Variants in TLN2 observed in about 807,000 individuals in gnomAD.
TLN2 encodes the protein talin 2, also known as talin-2.
A neutral mutation model predicts 294.7 loss-of-function variants in TLN2; 118 were observed. The ratio of observed to expected loss-of-function variants is 0.40; its 90% confidence interval spans 0.34 to 0.47. The LOEUF (loss-of-function observed/expected upper bound fraction) is 0.47. Ranked by LOEUF, TLN2 falls within the 20% of genes least tolerant of loss-of-function variation. The probability of loss-of-function intolerance (pLI) is 0.84; values close to 1 mark genes in which losing one functional copy is unlikely to be tolerated. For missense variants in TLN2, 3,083 were observed against 3,282.2 expected (o/e 0.94, Z 1.48); for synonymous variants, 1,431 against 1,304.5 (o/e 1.10, Z -2.09).
At position 62,835,894 on chromosome 15, in the gene TLN2, C is replaced by A; in HGVS notation, c.7195C>A (p.Arg2399=). The A allele has an allele frequency of 6.2e-7, 1 of 1,614,148 alleles. No homozygotes were observed. Among genetic ancestry groups the A allele is most frequent in the South Asian group, 1.1e-5 (1 of 91,078 alleles). Residue 2399 remains arginine (R), a synonymous_variant, in exon 57 of 59, where the codon CGG becomes AGG. Coordinates refer to ENST00000636159, the MANE Select transcript of TLN2 (RefSeq NM_015059.3). ...QWSQGLISAA[R]MVAAATSSLC... The stretch of plus-strand genomic sequence containing the variant: ...CTTCTCCGTTGACTGTCCCCAGGCC[C>A]GGATGGTGGCGGCTGCGACCAGCAG...
At position 62,763,669 on chromosome 15, in the gene TLN2, G is replaced by C. The variant is rs1197198484; in HGVS notation, c.5068G>C (p.Ala1690Pro). Residue 1690 changes from alanine (A) to proline (P), a missense_variant, in exon 40 of 59, where the codon GCC (alanine) becomes CCC (proline). Ala to Pro is a conservative substitution (Grantham distance 27). Transcript: ENST00000636159. ...GCTGGCCGCCGTCAGCCAGAGCCTG[G>C]CCACGAGGGACGACATCTCTGTGGA... ...ASLAAVSQSL[A>P]TRDDISVEAL... The C allele has an allele frequency of 2.5e-6, 4 of 1,611,684 alleles. No homozygotes were observed. Among genetic ancestry groups the C allele is most frequent in the Admixed American group, 1.7e-5 (1 of 59,842 alleles).
At chr15:62,534,594 G>A (rs1014946678) in intron 1 of TLN2, among the ~76,000 whole-genome samples, 1 of 152,200 alleles carries the variant, frequency 6.6e-6, no homozygotes, top group Non-Finnish European at 1.5e-5. Flanking sequence ...GCATCGTTGT[G>A]TAGGAGTGAT....
At chr15:62,492,048 GAAT>G (rs1217404488) in intron 1 of TLN2, among the ~76,000 whole-genome samples, 1 of 152,032 alleles carries the variant, frequency 6.6e-6, no homozygotes. Flanking sequence ...ATGTCTAACA[GAAT>G]AAATTTATGA....
At chr15:62,720,323 G>A (rs1459128354) in intron 25 of TLN2, among the ~76,000 whole-genome samples, 8 of 152,166 alleles carry the variant, frequency 5.3e-5, no homozygotes, top group Admixed American at 5.2e-4. Flanking sequence ...AGTTAGTATT[G>A]TCAGTCTCTG....
chr15:62,631,518 C>CCTTTCCTTTCCTTTCCTTTCCTTTCCT (rs1555451272), intron 3 of TLN2, among the ~76,000 whole-genome samples: 1 of 89,676 alleles, frequency 1.1e-5, no homozygotes, highest in African/African-American at 4.6e-5. Context: ...TTCTTTCTTT[C>CCTTTCCTTTCCTTTCCTTTCCTTTCCT]TTCCTTTCCT....
chr15:62,480,099 G>A (rs2037995682), intron 1 of TLN2, among the ~76,000 whole-genome samples: 1 of 152,174 alleles, frequency 6.6e-6, no homozygotes, highest in Non-Finnish European at 1.5e-5. Context: ...AGACCTCTCT[G>A]GGGTCTTCAG....
At chr15:62,570,433 C>T (rs1236521025) in intron 1 of TLN2, among the ~76,000 whole-genome samples, 2 of 152,218 alleles carry the variant, frequency 1.3e-5, no homozygotes, top group Non-Finnish European at 2.9e-5. Flanking sequence ...GTCATGGCAT[C>T]AAATCCCACA....
intron 22 of TLN2, 152 bp from the exon 23 acceptor site, chr15:62,716,179 A>G: frequency 2.0e-6 from 2 of 1,014,914 alleles, no homozygotes; most frequent in Admixed American, 8.2e-5. Flanking sequence ...TTTTTGTTGC[A>G]TGAGGAAACA....
intron 1 of TLN2, among the ~76,000 whole-genome samples, chr15:62,460,060 C>T (rs1007472717): frequency 7.2e-5 from 11 of 152,152 alleles, no homozygotes; most frequent in Admixed American, 2.0e-4. Context: ...CAGATGTCTG[C>T]CGAGGTGCTG....
intron 2 of TLN2, among the ~76,000 whole-genome samples, chr15:62,610,753 A>C (rs1182639190): frequency 6.6e-6 from 1 of 152,220 alleles, no homozygotes; most frequent in East Asian, 1.9e-4. Flanking sequence ...AGGGACTGCA[A>C]ACGTGCCAGG....
rs139369942 is a variant in TLN2 at position 62,684,760 on chromosome 15, T to C, written c.958-1881T>C. On this transcript the variant is annotated intron_variant, in intron 11 of 58. Transcript: ENST00000636159. ...GCTACTCAAATCTATGTTCAAATTA[T>C]GGCTTTACCACTCACCACTGTTGGC... Among the ~76,000 whole-genome samples, 37 of 152,052 alleles carry C rather than the reference T, an allele frequency of 2.4e-4. No homozygotes were observed. The East Asian group carries it at 6.8e-3, about 28-fold the overall frequency.
intron 1 of TLN2, among the ~76,000 whole-genome samples, chr15:62,450,171 C>T (rs1299081705): frequency 6.6e-6 from 1 of 152,146 alleles, no homozygotes; most frequent in Non-Finnish European, 1.5e-5. Flanking sequence ...GAGTCTTCAC[C>T]TTGTGGCTTT....
At chr15:62,631,450 CT>C (rs141719837) in intron 3 of TLN2, among the ~76,000 whole-genome samples, 4,179 of 149,840 alleles carry the variant, frequency 0.028, 80 homozygotes, top group East Asian at 0.048. Flanking sequence ...TTCTTCCTTC[CT>C]TTCTCTTTCT....
intron 54 of TLN2, among the ~76,000 whole-genome samples, chr15:62,825,951 G>C (rs1378989774): frequency 7.1e-6 from 1 of 141,706 alleles, no homozygotes; most frequent in Non-Finnish European, 1.5e-5. Flanking sequence ...GATTGAACTT[G>C]GGAGGCGGAG....
At chr15:62,713,321 C>G (rs1207992500) in intron 22 of TLN2, among the ~76,000 whole-genome samples, 1 of 150,106 alleles carries the variant, frequency 6.7e-6, no homozygotes, top group African/African-American at 2.4e-5. Context: ...GTCTCCACAT[C>G]TTACCTCATC....
intron 2 of TLN2, among the ~76,000 whole-genome samples, chr15:62,597,637 G>A (rs989669065): frequency 1.3e-5 from 2 of 152,166 alleles, no homozygotes; most frequent in Admixed American, 6.5e-5. Flanking sequence ...AGGAAAGCTC[G>A]TGATTACTAC....
chr15:62,600,517 A>C (rs1210050250), intron 2 of TLN2, among the ~76,000 whole-genome samples: 2 of 152,074 alleles, frequency 1.3e-5, no homozygotes, highest in African/African-American at 4.8e-5. Flanking sequence ...CACTCTCAGC[A>C]TCAAGACAGG....
chr15:62,733,211 C>G (rs1048735027), intron 28 of TLN2, among the ~76,000 whole-genome samples: 1 of 152,134 alleles, frequency 6.6e-6, no homozygotes, highest in South Asian at 2.1e-4. Flanking sequence ...AGGGATGTCT[C>G]TAGAGCCATA....
At chr15:62,742,024 G>GGTGTGT (rs1169646907) in intron 32 of TLN2, among the ~76,000 whole-genome samples, 71 of 82,272 alleles carry the variant, frequency 8.6e-4, no homozygotes, top group African/African-American at 2.9e-3. Context: ...CTTGTAGTGG[G>GGTGTGT]GTGTGTGTGT....
Sources: gnomAD v4.1 joint callset for allele counts (sites outside exome capture counted in the v4.1 genomes callset) on GRCh38, gnomAD v4.1.1 for gene constraint, MANE v1.5 for transcripts, NCBI Gene and HGNC (gene_info 2026-07-23, HGNC 2026-07-21) for gene names.